Variants in UGT3A1 observed in about 807,000 individuals in gnomAD.
UGT3A1 encodes the protein UDP glycosyltransferase family 3 member A1, also known as UDP-glycosyltransferase 3A1.
Under a neutral mutation model 37.6 loss-of-function variants are expected in UGT3A1, and 40 were observed. The observed-to-expected ratio is 1.06, with a 90% CI of 0.83 to 1.38. The LOEUF (loss-of-function observed/expected upper bound fraction) is 1.38. Ranked by LOEUF, UGT3A1 falls within the 40% of genes most tolerant of loss-of-function variation. The pLI, the probability that UGT3A1 is intolerant of heterozygous loss-of-function variation, is 0.00. For missense variants in UGT3A1, 642 were observed against 634.2 expected, an observed-to-expected ratio of 1.01 and a Z score of -0.13; for synonymous variants, 256 against 232.3, an observed-to-expected ratio of 1.10 and a Z score of -0.93.
In UGT3A1 at chr5:35,954,254, A is replaced by T. The variant is rs1739266221; in HGVS notation, c.1520T>A (p.Leu507Gln). Reference protein sequence around the residue: ...LGTMWLCGKLLGVVARWLRGA... With the variant: ...LGTMWLCGKLQGVVARWLRGA... ...ACGCAGCCACCTGGCCACCACACCC[A>T]GCAGCTTCCCACAAAGCCACATAGT... is the stretch of plus-strand genomic sequence containing the variant. The change falls in exon 7 of 7, where the codon CTG (leucine) becomes CAG (glutamine). Residue 507 changes from leucine to glutamine, a missense_variant. Leu to Gln is a moderately radical substitution (Grantham distance 113, BLOSUM62 -2). Coordinates refer to ENST00000274278, the MANE Select transcript of UGT3A1 (RefSeq NM_152404.4). 6.2e-7 allele frequency: 1 copy of T among 1,614,042 alleles called. No individual in the cohort carries two copies. The highest frequency in any genetic ancestry group is 1.7e-5 in the Admixed American group (1 of 59,992).
In UGT3A1 at chr5:35,957,406, A is replaced by G. The variant is rs780341815; in HGVS notation, c.857T>C (p.Phe286Ser). 1 of 1,614,048 alleles carries G rather than the reference A, an allele frequency of 6.2e-7. No individual in the cohort carries two copies. Among genetic ancestry groups the G allele is most frequent in the Non-Finnish European group, 8.5e-7 (1 of 1,179,980 alleles). ...IKPVPQDLDN[F>S]IANFGDAGFV... ...CCCTGCATCCCCAAAGTTGGCAATG[A>G]AGTTGTCCAAGTCCTAGAGAGAGAT... Residue 286 changes from phenylalanine (F) to serine (S), a missense_variant, in exon 5 of 7, where the codon TTC (phenylalanine) becomes TCC (serine). Physicochemically the swap from Phe to Ser is radical, Grantham distance 155. Coordinates refer to ENST00000274278, the MANE Select transcript of UGT3A1 (RefSeq NM_152404.4).
At chr5:35,958,997 T>C (rs1739466558) in intron 4 of UGT3A1, among the ~76,000 whole-genome samples, 1 of 152,180 alleles carries the variant, frequency 6.6e-6, no homozygotes, top group South Asian at 2.1e-4. Context: ...CTATGAAGGC[T>C]TGGGTCAAGA....
At chr5:35,995,902 A>G (rs1244410573), upstream of UGT3A1, among the ~76,000 whole-genome samples, 1 of 152,122 alleles carries the variant, frequency 6.6e-6, no homozygotes, top group African/African-American at 2.4e-5. Context: ...ATAAAATGCA[A>G]ATTTCTTAAA....
At chr5:35,964,165 T>G (rs1050297848) in intron 4 of UGT3A1, among the ~76,000 whole-genome samples, 1 of 152,134 alleles carries the variant, frequency 6.6e-6, no homozygotes, top group African/African-American at 2.4e-5. Context: ...GAAAAAATAT[T>G]TGAAAACAAG....
chr5:35,964,827 A>G (rs1056019406), intron 4 of UGT3A1, among the ~76,000 whole-genome samples: 4 of 152,236 alleles, frequency 2.6e-5, no homozygotes, highest in African/African-American at 9.6e-5. Flanking sequence ...TCACCCAGGC[A>G]GCATTTACAA....
At chr5:35,983,782 A>G (rs1212953414) in intron 2 of UGT3A1, among the ~76,000 whole-genome samples, 3 of 152,198 alleles carry the variant, frequency 2.0e-5, no homozygotes, top group Non-Finnish European at 4.4e-5. Flanking sequence ...ACATAAACAG[A>G]ACCAAGAACA....
intron 6 of UGT3A1, chr5:35,954,756 CT>C: frequency 2.1e-6 from 1 of 466,502 alleles, no homozygotes; most frequent in East Asian, 3.5e-5. Context: ...GTCCATATCC[CT>C]AGGATGCTTA....
chr5:35,957,133 C>A, intron 5 of UGT3A1, 55 bp downstream of exon 5: 1 of 1,490,556 alleles, frequency 6.7e-7, no homozygotes. Context: ...AGAACACTGA[C>A]GAGCACCAAA....
Position 35,955,884 on chromosome 5 carries a change from G to A in UGT3A1, c.1076-20C>T, listed in dbSNP as rs749212852. ...GGTGAGCTGTGGCAAATAAGAAAGAGAGTGGAACACTTCAGGATGAAAAAT... is the reference window on the plus strand; with the variant it reads ...GGTGAGCTGTGGCAAATAAGAAAGAAAGTGGAACACTTCAGGATGAAAAAT... On this transcript the variant is annotated intron_variant, in intron 5 of 6. Coordinates refer to ENST00000274278, the MANE Select transcript of UGT3A1 (RefSeq NM_152404.4). 2.5e-6 allele frequency: 4 copies of A among 1,611,584 alleles called. No homozygotes were observed. The highest frequency in any genetic ancestry group is 2.7e-5 in the African/African-American group (2 of 74,898).
rs544084607 is a variant in UGT3A1, at chr5:35,991,002, T to C, written c.94+145A>G. The C allele has an allele frequency of 2.3e-5, 37 of 1,580,042 alleles. No homozygotes were observed. In the East Asian group the frequency reaches 8.1e-4, roughly 35 times the overall value. On this transcript the variant is annotated intron_variant, in intron 1 of 6. Coordinates refer to ENST00000274278, the MANE Select transcript of UGT3A1 (RefSeq NM_152404.4). The stretch of plus-strand genomic sequence containing the variant: ...GGCCCCTCTCTGCCCCACGGCTAGA[T>C]GGGCTTCTCCCTCCTCCAGCCAGGT...
rs1739398268 is a variant in UGT3A1 at position 35,957,367 on chromosome 5, G to T, written c.896C>A (p.Ala299Asp). ...NFGDAGFVLVAFGSMLNTHQS... is the reference protein window; with the variant it reads ...NFGDAGFVLVDFGSMLNTHQS... ...ATGGGTGTTCAACATGGAGCCAAAGGCCACAAGGACAAACCCTGCATCCCC... is the reference window on the plus strand; with the variant it reads ...ATGGGTGTTCAACATGGAGCCAAAGTCCACAAGGACAAACCCTGCATCCCC... The change falls in exon 5 of 7, where the codon GCC becomes GAC. Residue 299 changes from alanine to aspartate, a missense_variant. Physicochemically the swap from Ala to Asp is moderately radical, Grantham distance 126. Coordinates refer to ENST00000274278, the MANE Select transcript of UGT3A1 (RefSeq NM_152404.4). 6 of 1,614,096 alleles carry T rather than the reference G, an allele frequency of 3.7e-6. No homozygotes were observed. Among genetic ancestry groups the T allele is most frequent in the East Asian group, 2.2e-5 (1 of 44,860 alleles).
chr5:35,980,851 C>T (rs989313096), intron 2 of UGT3A1, among the ~76,000 whole-genome samples: 1 of 152,210 alleles, frequency 6.6e-6, no homozygotes, highest in African/African-American at 2.4e-5. Flanking sequence ...ACATTTCACT[C>T]CTCAGGGCTA....
intron 2 of UGT3A1, among the ~76,000 whole-genome samples, chr5:35,978,022 A>G (rs1275019934): frequency 6.6e-6 from 1 of 152,170 alleles, no homozygotes. Flanking sequence ...CAAATTGTAC[A>G]TATGTTTCAA....
chr5:35,977,884 G>A (rs1740357711), intron 2 of UGT3A1, among the ~76,000 whole-genome samples: 1 of 152,138 alleles, frequency 6.6e-6, no homozygotes, highest in Non-Finnish European at 1.5e-5. Flanking sequence ...CTAGCAATGG[G>A]AGCTGGAAGG....
chr5:35,954,550 G>A (rs1158026460), intron 6 of UGT3A1, 72 bp from the exon 7 acceptor site: 2 of 1,542,270 alleles, frequency 1.3e-6, no homozygotes, highest in African/African-American at 1.4e-5. Context: ...TATTGCATGA[G>A]CACACACACA....
intron 2 of UGT3A1, among the ~76,000 whole-genome samples, chr5:35,984,870 A>G (rs1408517220): frequency 1.3e-5 from 2 of 152,076 alleles, no homozygotes; most frequent in Non-Finnish European, 2.9e-5. Flanking sequence ...GTGGAATCTG[A>G]ATCTTACTCA....
At position 35,952,986 on chromosome 5, in the gene UGT3A1, T is replaced by C. The variant is rs999907518; in HGVS notation, c.*1216A>G. ...TCTTTTGATCTGAATTGTTTCAAGATCTGTTTCACAATTCTAGAATTAAAC... is the reference window on the plus strand; with the variant it reads ...TCTTTTGATCTGAATTGTTTCAAGACCTGTTTCACAATTCTAGAATTAAAC... On this transcript the variant is annotated 3_prime_UTR_variant, in exon 7 of 7. Coordinates refer to ENST00000274278, the MANE Select transcript of UGT3A1 (RefSeq NM_152404.4). The C allele has an allele frequency of 6.6e-6, 1 of 152,302 alleles. No homozygotes were observed. The highest frequency in any genetic ancestry group is 2.4e-5 in the African/African-American group (1 of 41,466). 9.4% of individuals were successfully genotyped at this position (152,302 alleles called of 1,614,324 possible).
At chr5:36,000,568 G>A (rs1246255283) in intron 1 of UGT3A1, among the ~76,000 whole-genome samples, 1 of 152,156 alleles carries the variant, frequency 6.6e-6, no homozygotes, top group African/African-American at 2.4e-5. Context: ...TGAGTGGACT[G>A]TAACTCCCAA....
chr5:35,994,780 A>T (rs1340502559), upstream of UGT3A1, among the ~76,000 whole-genome samples: 3 of 152,220 alleles, frequency 2.0e-5, no homozygotes, highest in Non-Finnish European at 2.9e-5. Context: ...GTGAAATCCA[A>T]AAAGGAACTC....
Sources: allele counts gnomAD v4.1 joint callset (sites outside exome capture counted in the v4.1 genomes callset), GRCh38; gene constraint gnomAD v4.1.1; transcripts MANE v1.5; gene names NCBI Gene and HGNC (gene_info 2026-07-23, HGNC 2026-07-21).